The following MSL3 variants were observed in gnomAD, a reference collection of about 807,000 sequenced individuals.
MSL3 encodes the protein MSL3-like 1.
In MSL3, 5 loss-of-function variants were observed where a neutral mutation model predicts 37.2. The observed-to-expected ratio is 0.13, with a 90% CI of 0.07 to 0.28. The LOEUF is 0.28. Ranked by LOEUF, MSL3 falls within the 10% of genes least tolerant of loss-of-function variation. The probability of loss-of-function intolerance (pLI) is 1.00; values close to 1 mark genes in which losing one functional copy is unlikely to be tolerated. For missense variants in MSL3, 315 were observed against 408.5 expected (o/e 0.77, Z 1.97); for synonymous variants, 149 against 147.6 (o/e 1.01, Z -0.07).
intron 8 of MSL3, 126 bp downstream of exon 8, chrX:11,764,064 G>T (rs1019942157): frequency 3.4e-6 from 2 of 587,137 alleles, no homozygotes; most frequent in Non-Finnish European, 2.6e-6. Flanking sequence ...AATGAAAAGT[G>T]TGTGTCCTGG....
intron 6 of MSL3, 130 bp from the exon 7 acceptor site, chrX:11,762,707 C>T: frequency 1.8e-6 from 1 of 565,535 alleles, no homozygotes; most frequent in Non-Finnish European, 2.8e-6. Context: ...TTAAGAAGTT[C>T]TATTCAAACA....
chrX:11,774,538 C>T (rs1204435167), intron 12 of MSL3, among the ~76,000 whole-genome samples: 2 of 111,811 alleles, frequency 1.8e-5, no homozygotes, highest in Non-Finnish European at 3.8e-5. Context: ...CCAGGATGTT[C>T]TCGATCTCCT....
chrX:11,769,875 G>C (rs1362696824), intron 10 of MSL3, among the ~76,000 whole-genome samples: 1 of 112,563 alleles, frequency 8.9e-6, no homozygotes. Flanking sequence ...CAAAGTGCTG[G>C]GGTTACAGGC....
Position 11,761,065 on chromosome X carries a change from T to C in MSL3, c.382+128T>C, listed in dbSNP as rs2053127939. On this transcript the variant is annotated intron_variant, in intron 4 of 12. Transcript: ENST00000312196. ...TGTATAATATTTGCCCCATTTATTT[T>C]TGACAATTAAAGTAGCAGTCAATAT... 3 of 503,026 alleles carry C rather than the reference T, an allele frequency of 6.0e-6. No individual in the cohort carries two copies. The South Asian group carries it at 1.1e-4, about 19-fold the overall frequency. The allele number at this position is 503,026 out of a possible 1,213,427, so 41.5% of individuals were successfully genotyped here. A position where few individuals can be genotyped will look rare whatever the true frequency, so the allele number is the denominator to read the frequency against.
chrX:11,765,925 G>A, intron 9 of MSL3, 196 bp downstream of exon 9: 7 of 1,080,682 alleles, frequency 6.5e-6, no homozygotes, highest in Non-Finnish European at 8.4e-6. Context: ...CAGCGCAGCT[G>A]TGTTGGAGGC....
chrX:11,773,793 A>T (rs1474700018), intron 12 of MSL3, among the ~76,000 whole-genome samples: 1 of 112,416 alleles, frequency 8.9e-6, no homozygotes, highest in Non-Finnish European at 1.9e-5. Context: ...TTACTAATAA[A>T]CCTAGTAAGA....
At chrX:11,774,778 G>C (rs1440642231) in intron 12 of MSL3, among the ~76,000 whole-genome samples, 2 of 111,173 alleles carry the variant, frequency 1.8e-5, no homozygotes, top group Admixed American at 1.9e-4. Context: ...TGATGGTGAA[G>C]GCATTCAGAT....
rs922584707 is a variant in MSL3 at position 11,761,587 on chromosome X, A to G, written c.465+5A>G. The G allele has an allele frequency of 8.1e-6, 9 of 1,115,942 alleles. No individual in the cohort carries two copies. The highest frequency in any genetic ancestry group is 1.1e-5 in the Non-Finnish European group (9 of 821,537). The allele number at this position is 1,115,942 out of a possible 1,213,427, so 92.0% of individuals were successfully genotyped here. A position where few individuals can be genotyped will look rare whatever the true frequency, so the allele number is the denominator to read the frequency against. On this transcript the variant is annotated splice_donor_5th_base_variant and intron_variant, in intron 5 of 12. Transcript: ENST00000312196. ...ATTGAAGAAAAGACTGAAGTGGTAT[A>G]AAGTTTTTATTGTAAAAACTTTCTC...
In MSL3 at chrX:11,759,874, A is replaced by G. The variant is rs1255424351; in HGVS notation, c.184A>G (p.Ser62Gly). ...GATCCATTTTAATGGTTGGAACAGA[A>G]GGTGAGTGAACTTGTTAAACCAGAC... ...YLIHFNGWNR[S>G]WDRWAAEDHV... Residue 62 changes from serine (S) to glycine (G), a missense_variant and splice_region_variant, in exon 2 of 13, where the codon AGC becomes GGC. By Grantham distance (56) the Ser-to-Gly change is moderately conservative. Coordinates refer to ENST00000312196, the MANE Select transcript of MSL3 (RefSeq NM_078629.4). 8.3e-7 allele frequency: 1 copy of G among 1,208,860 alleles called. No homozygotes were observed. Among genetic ancestry groups the G allele is most frequent in the Non-Finnish European group, 1.1e-6 (1 of 894,835 alleles).
chrX:11,763,086 C>T (rs750825416), intron 7 of MSL3, 89 bp downstream of exon 7: 362 of 709,615 alleles, frequency 5.1e-4, no homozygotes, highest in Non-Finnish European at 6.4e-4. Flanking sequence ...GTCTCTATTC[C>T]GTTATTTTGA....
intron 2 of MSL3, 146 bp downstream of exon 2, chrX:11,760,021 T>C (rs901354515): frequency 1.6e-6 from 1 of 644,672 alleles, no homozygotes; most frequent in African/African-American, 2.2e-5. Context: ...TTTAAGTTTT[T>C]GAAACACTTG....
chrX:11,765,885 G>A, intron 9 of MSL3, 156 bp downstream of exon 9: 2 of 1,115,290 alleles, frequency 1.8e-6, no homozygotes, highest in South Asian at 2.4e-5. Context: ...TTCTGGAGCT[G>A]TAGAAAGTTG....
At chrX:11,758,824 C>G in intron 1 of MSL3, 1 of 1,113,099 alleles carries the variant, frequency 9.0e-7, no homozygotes, top group Non-Finnish European at 1.2e-6. Flanking sequence ...GACGTTGTGT[C>G]CCTGGGACCC....
rs2053264201 is a variant in MSL3, at chrX:11,775,154, G to A, written c.*75G>A. On this transcript the variant is annotated 3_prime_UTR_variant, in exon 13 of 13. Transcript: ENST00000312196. ...GGGTTCCAGGTGAATAACTAACAAG[G>A]TGGTGGGTCTTTACCCACAGCGCAA... 1 of 773,128 alleles carries A rather than the reference G, an allele frequency of 1.3e-6. No homozygotes were observed. The highest frequency in any genetic ancestry group is 2.5e-5 in the Admixed American group (1 of 40,495). 63.7% of individuals were successfully genotyped at this position (773,128 alleles called of 1,213,427 possible).
chrX:11,765,301 A>G (rs1239558726), intron 8 of MSL3, among the ~76,000 whole-genome samples, 166 bp from the exon 9 acceptor site: 1 of 111,875 alleles, frequency 8.9e-6, no homozygotes, highest in East Asian at 2.8e-4. Flanking sequence ...GGGGCATCAC[A>G]ATCTTTAATG....
intron 5 of MSL3, 111 bp downstream of exon 5, chrX:11,761,693 C>T (rs2053134185): frequency 2.4e-6 from 1 of 424,303 alleles, no homozygotes; most frequent in Admixed American, 5.1e-5. Context: ...ATCTTTTAAA[C>T]CAATAATGTA....
At chrX:11,764,194 A>AT in intron 8 of MSL3, 1 of 252,946 alleles carries the variant, frequency 4.0e-6, no homozygotes, top group Non-Finnish European at 7.0e-6. Flanking sequence ...CAGCTCTCCC[A>AT]TTTTGGGGAA....
chrX:11,775,029 G>C lies in MSL3; in HGVS notation c.1516G>C (p.Ala506Pro). 1.7e-6 allele frequency: 2 copies of C among 1,208,958 alleles called. No homozygotes were observed. Among genetic ancestry groups the C allele is most frequent in the Non-Finnish European group, 2.2e-6 (2 of 894,067 alleles). ...CTTCTTCCCAGAGTCGGCTTATGTC[G>C]CTGCCTGTGAGGCACATTACAGCAC... ...DDFFPESAYV[A>P]ACEAHYSTKN... The change falls in exon 13 of 13, where the codon GCT (alanine) becomes CCT (proline). Residue 506 changes from alanine to proline, a missense_variant. Coordinates refer to ENST00000312196, the MANE Select transcript of MSL3 (RefSeq NM_078629.4).
chrX:11,771,160 TG>T (rs989135155), intron 10 of MSL3, among the ~76,000 whole-genome samples: 3 of 112,626 alleles, frequency 2.7e-5, no homozygotes, highest in Non-Finnish European at 5.6e-5. Flanking sequence ...TCTGAGTTTG[TG>T]GGGGCATCTT....
Sources: allele counts gnomAD v4.1 joint callset (sites outside exome capture counted in the v4.1 genomes callset), GRCh38; gene constraint gnomAD v4.1.1; transcripts MANE v1.5; gene names NCBI Gene and HGNC (gene_info 2026-07-23, HGNC 2026-07-21).